The following ANKRD6 variants were observed in gnomAD, a reference collection of about 807,000 sequenced individuals.
ANKRD6 encodes the protein ankyrin repeat domain 6, also known as ankyrin repeat domain-containing protein 6.
Under a neutral mutation model 82.3 loss-of-function variants are expected in ANKRD6, and 56 were observed. The ratio of observed to expected loss-of-function variants is 0.68; its 90% confidence interval spans 0.55 to 0.85. ANKRD6 has a LOEUF of 0.85. ANKRD6 is among the 40% of genes least tolerant of loss of function. The pLI is 0.00. For missense variants in ANKRD6, 852 were observed against 907.6 expected, an observed-to-expected ratio of 0.94 and a Z score of 0.79; for synonymous variants, 347 against 352.1, an observed-to-expected ratio of 0.99 and a Z score of 0.16.
intron 1 of ANKRD6, among the ~76,000 whole-genome samples, chr6:89,496,739 G>C (rs762049034): frequency 5.3e-5 from 8 of 152,080 alleles, no homozygotes; most frequent in Non-Finnish European, 1.2e-4. Flanking sequence ...GGCCAGGCTG[G>C]TCTCAAACTC....
intron 1 of ANKRD6, among the ~76,000 whole-genome samples, chr6:89,453,178 G>A (rs1170083666): frequency 6.6e-6 from 1 of 152,094 alleles, no homozygotes; most frequent in Non-Finnish European, 1.5e-5. Flanking sequence ...CAACATTATG[G>A]TACTGTAAAA....
At chr6:89,505,206 G>A (rs1779706682) in intron 1 of ANKRD6, among the ~76,000 whole-genome samples, 1 of 152,162 alleles carries the variant, frequency 6.6e-6, no homozygotes, top group Admixed American at 6.5e-5. Context: ...CCTCCCGTAT[G>A]CACCATCTGT....
Position 89,632,383 on chromosome 6 carries a change from A to G in ANKRD6, c.*1379A>G, listed in dbSNP as rs1807579369. 6.7e-6 allele frequency: 1 copy of G among 150,374 alleles called. No homozygotes were observed. The highest frequency in any genetic ancestry group is 2.5e-5 in the African/African-American group (1 of 40,812). The allele number at this position is 150,374 out of a possible 1,614,324, so 9.3% of individuals were successfully genotyped here. A position where few individuals can be genotyped will look rare whatever the true frequency, so the allele number is the denominator to read the frequency against. On this transcript the variant is annotated 3_prime_UTR_variant, in exon 16 of 16. Transcript: ENST00000339746. ...TCCTAAAAGAAAAATAATTCAGTAGATATATGTCACTGTTACCTGAATATG... is the reference window on the plus strand; with the variant it reads ...TCCTAAAAGAAAAATAATTCAGTAGGTATATGTCACTGTTACCTGAATATG...
chr6:89,459,188 C>T (rs1773838417), intron 1 of ANKRD6, among the ~76,000 whole-genome samples: 1 of 152,206 alleles, frequency 6.6e-6, no homozygotes. Flanking sequence ...AAACGATTCT[C>T]CTGCCTCAGC....
chr6:89,567,550 G>A (rs1788806604), intron 2 of ANKRD6, among the ~76,000 whole-genome samples: 1 of 152,146 alleles, frequency 6.6e-6, no homozygotes, highest in Non-Finnish European at 1.5e-5. Flanking sequence ...GATTTCATGT[G>A]GGTCAGTGAA....
chr6:89,498,530 T>A (rs916735053), intron 1 of ANKRD6, among the ~76,000 whole-genome samples: 13 of 151,944 alleles, frequency 8.6e-5, no homozygotes, highest in African/African-American at 2.4e-4. Context: ...ATATATATTT[T>A]TTTTTACCTT....
intron 1 of ANKRD6, among the ~76,000 whole-genome samples, chr6:89,471,963 A>AAAAG (rs1554216472): frequency 9.7e-5 from 14 of 143,636 alleles, no homozygotes; most frequent in Non-Finnish European, 1.4e-4. Context: ...AAAAAAAAAA[A>AAAAG]AGAGAGAGAG....
At chr6:89,462,568 C>A (rs1460813169) in intron 1 of ANKRD6, among the ~76,000 whole-genome samples, 1 of 152,144 alleles carries the variant, frequency 6.6e-6, no homozygotes, top group Non-Finnish European at 1.5e-5. Flanking sequence ...TGACTGATTA[C>A]ACTAACTAGA....
At chr6:89,500,447 G>T (rs1168635583) in intron 1 of ANKRD6, among the ~76,000 whole-genome samples, 1 of 152,124 alleles carries the variant, frequency 6.6e-6, no homozygotes, top group African/African-American at 2.4e-5. Context: ...AATGCATCAG[G>T]CTGCAAAATT....
At chr6:89,545,086 G>A (rs564723391) in intron 1 of ANKRD6, among the ~76,000 whole-genome samples, 23 of 151,892 alleles carry the variant, frequency 1.5e-4, no homozygotes, top group African/African-American at 3.6e-4. Flanking sequence ...GGTGGCGGGC[G>A]CCTGTAGTTC....
chr6:89,564,696 AG>A (rs1788095994), intron 1 of ANKRD6, among the ~76,000 whole-genome samples: 1 of 152,332 alleles, frequency 6.6e-6, no homozygotes. Flanking sequence ...CTCTACCCTC[AG>A]GGGCTAAGCC....
chr6:89,466,123 C>A (rs182310293), intron 1 of ANKRD6, among the ~76,000 whole-genome samples: 1 of 152,190 alleles, frequency 6.6e-6, no homozygotes, highest in East Asian at 1.9e-4. Flanking sequence ...ACTTTGTCCC[C>A]TAATAATATA....
chr6:89,498,925 T>A (rs549188523), intron 1 of ANKRD6, among the ~76,000 whole-genome samples: 1 of 152,170 alleles, frequency 6.6e-6, no homozygotes, highest in South Asian at 2.1e-4. Context: ...ATGCTTGAGG[T>A]TGGCTTTCTC....
rs1458086970 is a variant in ANKRD6, at chr6:89,630,427, A to T, written c.1613-6A>T. 1 of 1,601,704 alleles carries T rather than the reference A, an allele frequency of 6.2e-7. No individual in the cohort carries two copies. Among genetic ancestry groups the T allele is most frequent in the African/African-American group, 1.3e-5 (1 of 74,326 alleles). On this transcript the variant is annotated splice_polypyrimidine_tract_variant and splice_region_variant and intron_variant, in intron 15 of 15. Coordinates refer to ENST00000339746, the MANE Select transcript of ANKRD6 (RefSeq NM_001242809.2). ...GCTCTCACGTTTGTTTTCCTTCTGA[A>T]ACCAGGTGTGGACCAATTAGTGGTG...
At chr6:89,486,283 G>A (rs1777359616) in intron 1 of ANKRD6, among the ~76,000 whole-genome samples, 1 of 152,178 alleles carries the variant, frequency 6.6e-6, no homozygotes, top group African/African-American at 2.4e-5. Flanking sequence ...TCAAGTAGCA[G>A]AAATGATTGA....
chr6:89,489,514 A>G (rs62415445), intron 1 of ANKRD6, among the ~76,000 whole-genome samples: 14 of 152,198 alleles, frequency 9.2e-5, no homozygotes, highest in Admixed American at 3.3e-4. Flanking sequence ...TCAGTCTCCT[A>G]TGCCTAAAAT....
chr6:89,583,401 G>A (rs1793018106), intron 2 of ANKRD6, among the ~76,000 whole-genome samples: 1 of 152,210 alleles, frequency 6.6e-6, no homozygotes, highest in South Asian at 2.1e-4. Context: ...GATAATGCAT[G>A]GAAAATTATG....
At position 89,434,156 on chromosome 6, in the gene ANKRD6, T is replaced by C. The variant is rs576535244; in HGVS notation, c.-144+781T>C. Among the ~76,000 whole-genome samples, 137 of 152,282 alleles carry C rather than the reference T, an allele frequency of 9.0e-4. 1 individual carries two copies. Among genetic ancestry groups the C allele is most frequent in the Middle Eastern group, 3.4e-3 (1 of 294 alleles). On this transcript the variant is annotated intron_variant, in intron 1 of 15. Transcript: ENST00000339746. ...GAGATGGAGTTCTGACTCCACCACT[T>C]GTTAGGTGTGTGACTTTGGAAAACC...
intron 2 of ANKRD6, among the ~76,000 whole-genome samples, chr6:89,567,683 G>C (rs141300166): frequency 4.6e-5 from 7 of 152,242 alleles, no homozygotes; most frequent in African/African-American, 1.7e-4. Flanking sequence ...CAGGCTCCGC[G>C]CAGCTAGAGG....
Sources: allele counts gnomAD v4.1 joint callset (sites outside exome capture counted in the v4.1 genomes callset), GRCh38; gene constraint gnomAD v4.1.1; transcripts MANE v1.5; gene names NCBI Gene and HGNC (gene_info 2026-07-23, HGNC 2026-07-21).